The following NRXN1 variants were observed in gnomAD, a reference collection of about 807,000 sequenced individuals.
The protein encoded by NRXN1 is neurexin 1.
Under a neutral mutation model 150.9 loss-of-function variants are expected in NRXN1, and 39 were observed. The ratio of observed to expected loss-of-function variants is 0.26; its 90% confidence interval spans 0.20 to 0.34. The LOEUF (loss-of-function observed/expected upper bound fraction) is 0.34, where lower values mean the gene tolerates loss of function less well. NRXN1 is among the 10% of genes least tolerant of loss of function. The pLI, the probability that NRXN1 is intolerant of heterozygous loss-of-function variation, is 1.00. For missense variants in NRXN1, 1,815 were observed against 1,949.9 expected (o/e 0.93, Z 1.30); for synonymous variants, 924 against 757.0 (o/e 1.22, Z -3.62).
At chr2:50,736,164 GCTCC>G (rs1298569520) in intron 5 of NRXN1, among the ~76,000 whole-genome samples, 2 of 152,054 alleles carry the variant, frequency 1.3e-5, no homozygotes, top group African/African-American at 4.8e-5. Flanking sequence ...CATTCTCCCA[GCTCC>G]ATTCTACCAT....
chr2:50,216,291 C>A (rs1245107034), intron 18 of NRXN1, among the ~76,000 whole-genome samples: 1 of 151,946 alleles, frequency 6.6e-6, no homozygotes, highest in Non-Finnish European at 1.5e-5. Context: ...TGTTTATAAA[C>A]ATCTTAATGT....
intron 2 of NRXN1, among the ~76,000 whole-genome samples, chr2:50,970,446 C>G (rs1315129496): frequency 1.3e-5 from 2 of 152,014 alleles, no homozygotes; most frequent in African/African-American, 4.8e-5. Flanking sequence ...ATCTGGCATC[C>G]CACATTTCAC....
At chr2:50,613,836 G>T (rs1678588752) in intron 8 of NRXN1, among the ~76,000 whole-genome samples, 1 of 152,134 alleles carries the variant, frequency 6.6e-6, no homozygotes, top group South Asian at 2.1e-4. Context: ...TACTCGGGAG[G>T]CTGAGGCAGG....
At chr2:50,365,893 T>C (rs1177862423) in intron 17 of NRXN1, among the ~76,000 whole-genome samples, 1 of 152,062 alleles carries the variant, frequency 6.6e-6, no homozygotes, top group Non-Finnish European at 1.5e-5. Flanking sequence ...TACAAATTCT[T>C]TGCAAAAATG....
At chr2:50,921,351 C>T (rs930027130) in intron 5 of NRXN1, among the ~76,000 whole-genome samples, 13 of 151,760 alleles carry the variant, frequency 8.6e-5, no homozygotes, top group African/African-American at 3.1e-4. Context: ...TGTCTTGCTC[C>T]TCTGTTTGTC....
chr2:50,835,850 C>T (rs1672031806), intron 5 of NRXN1, among the ~76,000 whole-genome samples: 1 of 152,172 alleles, frequency 6.6e-6, no homozygotes, highest in Non-Finnish European at 1.5e-5. Context: ...TCCTTACAAA[C>T]TAGGTTGTCT....
At chr2:50,163,124 T>G (rs552641655) in intron 18 of NRXN1, among the ~76,000 whole-genome samples, 46 of 146,202 alleles carry the variant, frequency 3.1e-4, no homozygotes, top group Non-Finnish European at 5.8e-4. Flanking sequence ...AAAAATAATT[T>G]CAACTATATA....
chr2:50,982,439 G>T (rs146070953), intron 2 of NRXN1, among the ~76,000 whole-genome samples: 12 of 152,160 alleles, frequency 7.9e-5, no homozygotes, highest in African/African-American at 2.6e-4. Flanking sequence ...CTGAATACAT[G>T]CTCTGAACGT....
intron 18 of NRXN1, among the ~76,000 whole-genome samples, chr2:50,205,086 G>A (rs1384418759): frequency 6.6e-6 from 1 of 152,146 alleles, no homozygotes; most frequent in Admixed American, 6.6e-5. Flanking sequence ...GCTTAGAAAG[G>A]TTAAGCATCT....
intron 5 of NRXN1, among the ~76,000 whole-genome samples, chr2:50,637,142 A>G (rs1326865965): frequency 2.0e-5 from 3 of 152,156 alleles, no homozygotes; most frequent in Non-Finnish European, 4.4e-5. Flanking sequence ...TAATGAACAT[A>G]GATATTCTGT....
chr2:50,847,143 A>T (rs1673777048), intron 5 of NRXN1, among the ~76,000 whole-genome samples: 1 of 152,100 alleles, frequency 6.6e-6, no homozygotes, highest in Non-Finnish European at 1.5e-5. Context: ...AGGTGAGAAA[A>T]TCCTTCCTAG....
At chr2:50,550,957 G>A (rs1573508908) in intron 9 of NRXN1, among the ~76,000 whole-genome samples, 1 of 151,512 alleles carries the variant, frequency 6.6e-6, no homozygotes, top group African/African-American at 2.4e-5. Context: ...CTGGGATTAC[G>A]GGCGTGAGCC....
At chr2:50,554,750 G>C (rs1016577087) in intron 8 of NRXN1, among the ~76,000 whole-genome samples, 1 of 152,126 alleles carries the variant, frequency 6.6e-6, no homozygotes, top group East Asian at 1.9e-4. Flanking sequence ...TACATGATTT[G>C]TGCCAACTAA....
intron 18 of NRXN1, among the ~76,000 whole-genome samples, chr2:50,145,664 G>T (rs1372359625): frequency 6.6e-6 from 1 of 151,620 alleles, no homozygotes; most frequent in African/African-American, 2.4e-5. Flanking sequence ...CAACCAAATG[G>T]CTTGAGTGTG....
intron 12 of NRXN1, among the ~76,000 whole-genome samples, chr2:50,523,049 A>T (rs1310855490): frequency 6.6e-6 from 1 of 151,966 alleles, no homozygotes; most frequent in African/African-American, 2.4e-5. Flanking sequence ...TTTCGATATT[A>T]TTCTAAAGAC....
In NRXN1 at chr2:50,538,740, A is replaced by T. The variant is rs560185455; in HGVS notation, c.1760-104T>A. 1.7e-5 allele frequency: 15 copies of T among 892,362 alleles called. No homozygotes were observed. In the South Asian group the frequency reaches 6.2e-4, roughly 37 times the overall value. 55.3% of individuals were successfully genotyped at this position (892,362 alleles called of 1,614,324 possible). A position where few individuals can be genotyped will look rare whatever the true frequency, so the allele number is the denominator to read the frequency against. Reference sequence around the variant, plus strand: ...TTGATGGTTAACTCCTTGGAGGCAGACAATTATTATTATTCTTTCTGTCCT... The same window carrying T: ...TTGATGGTTAACTCCTTGGAGGCAGTCAATTATTATTATTCTTTCTGTCCT... On this transcript the variant is annotated intron_variant, in intron 9 of 22. Coordinates refer to ENST00000401669, the MANE Select transcript of NRXN1 (RefSeq NM_001330078.2).
chr2:50,802,873 C>G (rs911375287), intron 5 of NRXN1, among the ~76,000 whole-genome samples: 1 of 152,152 alleles, frequency 6.6e-6, no homozygotes, highest in South Asian at 2.1e-4. Context: ...TCAAGAAATG[C>G]GGAAGACTGC....
At chr2:50,460,633 G>C (rs962093367) in intron 17 of NRXN1, among the ~76,000 whole-genome samples, 3 of 151,958 alleles carry the variant, frequency 2.0e-5, no homozygotes, top group Admixed American at 1.3e-4. Flanking sequence ...GTAGCAGATA[G>C]CACTTCTATG....
chr2:50,689,389 C>T (rs1290244151), intron 5 of NRXN1, among the ~76,000 whole-genome samples: 2 of 152,044 alleles, frequency 1.3e-5, no homozygotes, highest in African/African-American at 4.8e-5. Context: ...CAATTATCAC[C>T]ACTACAAATC....
Sources: allele counts gnomAD v4.1 joint callset (sites outside exome capture counted in the v4.1 genomes callset), GRCh38; gene constraint gnomAD v4.1.1; transcripts MANE v1.5; gene names NCBI Gene and HGNC (gene_info 2026-07-23, HGNC 2026-07-21).